RALGAPA1: variants seen among roughly 807,000 people sequenced by gnomAD.
RALGAPA1 encodes Ral GTPase activating protein catalytic subunit alpha 1.
In RALGAPA1, 52 loss-of-function variants were observed where a neutral mutation model predicts 269.6. The ratio of observed to expected loss-of-function variants is 0.19; its 90% CI spans 0.15 to 0.24. RALGAPA1 has a LOEUF of 0.24. RALGAPA1 is among the 10% of genes least tolerant of loss of function. The pLI is 1.00. For missense variants in RALGAPA1, 1,917 were observed against 3,013.9 expected (o/e 0.64, Z 8.52); for synonymous variants, 817 against 1,008.3 (o/e 0.81, Z 3.60).
At chr14:35,582,716 G>T (rs10150503) in intron 37 of RALGAPA1, among the ~76,000 whole-genome samples, 1 of 152,202 alleles carries the variant, frequency 6.6e-6, no homozygotes, top group East Asian at 1.9e-4. Flanking sequence ...GCTTTATGGA[G>T]GGGGAGGGGA....
chr14:35,679,495 T>C (rs1331126551), intron 21 of RALGAPA1, among the ~76,000 whole-genome samples: 1 of 152,158 alleles, frequency 6.6e-6, no homozygotes, highest in Non-Finnish European at 1.5e-5. Context: ...TAGCTTACAG[T>C]TGGGCAAAAT....
chr14:35,777,687 C>T (rs370596238), intron 1 of RALGAPA1, among the ~76,000 whole-genome samples: 12 of 152,132 alleles, frequency 7.9e-5, no homozygotes, highest in Admixed American at 3.9e-4. Flanking sequence ...CTCAGACTCC[C>T]GAGTAGCTGG....
chr14:35,585,909 T>C (rs181015207), intron 37 of RALGAPA1, among the ~76,000 whole-genome samples: 65 of 152,304 alleles, frequency 4.3e-4, no homozygotes, highest in African/African-American at 1.4e-3. Context: ...TTGTTCTTTT[T>C]GCTTAGGATT....
chr14:35,688,896 G>T lies in RALGAPA1; in HGVS notation c.3515C>A (p.Ala1172Asp). 7.9e-7 allele frequency: 1 copy of T among 1,265,028 alleles called. No homozygotes were observed. The highest frequency in any genetic ancestry group is 9.9e-7 in the Non-Finnish European group (1 of 1,007,414). The allele number at this position is 1,265,028 out of a possible 1,614,324, so 78.4% of individuals were successfully genotyped here. Residue 1172 changes from alanine (A) to aspartate (D), a missense_variant, in exon 18 of 42, where the codon GCT becomes GAT. This residue lies in a region of RALGAPA1 where 615 missense variants were observed against 790.0 expected (regional missense o/e 0.78). Transcript: ENST00000680220. ...CTTCCGCAGTCTCATCTTCCATGGA[G>T]CCTCTTTGTTTTCCAGAGGATTATA... ...QFYNPLENKE[A>D]PWKMRLRKLG...
At chr14:35,797,346 C>G in intron 1 of RALGAPA1, among the ~76,000 whole-genome samples, 1 of 69,050 alleles carries the variant, frequency 1.4e-5, no homozygotes, top group Non-Finnish European at 2.2e-5. Context: ...AGCGAGACTC[C>G]GTCTCAAAAA....
chr14:35,573,728 T>C (rs930986817), intron 37 of RALGAPA1, among the ~76,000 whole-genome samples: 1 of 152,184 alleles, frequency 6.6e-6, no homozygotes, highest in Non-Finnish European at 1.5e-5. Flanking sequence ...TAACTCCTTA[T>C]ATGCATACAC....
chr14:35,725,182 C>T, intron 13 of RALGAPA1, 29 bp from the exon 14 acceptor site: 3 of 1,495,380 alleles, frequency 2.0e-6, no homozygotes, highest in Non-Finnish European at 2.7e-6. Context: ...ATTAATGTTT[C>T]CTTCTTGCAT....
intron 1 of RALGAPA1, among the ~76,000 whole-genome samples, chr14:35,787,858 A>T (rs1476345192): frequency 6.6e-6 from 1 of 152,046 alleles, no homozygotes; most frequent in Non-Finnish European, 1.5e-5. Flanking sequence ...CTGGAATTGC[A>T]GTTGTAAGCC....
chr14:35,627,861 C>A lies in RALGAPA1; in HGVS notation c.6086G>T (p.Ser2029Ile), dbSNP rs1566866275. 3 of 1,585,944 alleles carry A rather than the reference C, an allele frequency of 1.9e-6. No individual in the cohort carries two copies. The highest frequency in any genetic ancestry group is 2.6e-6 in the Non-Finnish European group (3 of 1,161,582). Residue 2029 changes from serine (S) to isoleucine (I), a missense_variant, in exon 34 of 42, where the codon AGC (serine) becomes ATC (isoleucine). By Grantham distance (142) the Ser-to-Ile change is moderately radical. Around this residue, in one of 11 missense-constraint regions of RALGAPA1, gnomAD observed 346 missense variants for 566.1 expected, o/e 0.61. Transcript: ENST00000680220. ...ACTTGTTAGCATAGCAGGACCACCG[C>A]TCATTGGATAATGGCCCAGGTGATT... The part of the protein sequence containing the change: ...LVNHLGHYPM[S>I]GGPAMLTSQV...
intron 41 of RALGAPA1, among the ~76,000 whole-genome samples, chr14:35,541,432 C>T (rs916007432): frequency 3.9e-5 from 6 of 152,100 alleles, no homozygotes; most frequent in Non-Finnish European, 7.4e-5. Flanking sequence ...ACTCATAATC[C>T]AGGTCAATTG....
At chr14:35,780,224 C>T (rs2075339860) in intron 1 of RALGAPA1, among the ~76,000 whole-genome samples, 1 of 152,034 alleles carries the variant, frequency 6.6e-6, no homozygotes, top group Admixed American at 6.6e-5. Context: ...CTCCCAACCC[C>T]CAAAGCAGAA....
chr14:35,615,627 A>G (rs551028635), intron 35 of RALGAPA1, among the ~76,000 whole-genome samples: 1 of 152,308 alleles, frequency 6.6e-6, no homozygotes, highest in South Asian at 2.1e-4. Context: ...CATTTAATGT[A>G]GTGTATAAAA....
intron 35 of RALGAPA1, among the ~76,000 whole-genome samples, chr14:35,618,884 T>A (rs2060426165): frequency 6.6e-6 from 1 of 152,084 alleles, no homozygotes; most frequent in South Asian, 2.1e-4. Flanking sequence ...TCAGAATAAA[T>A]GAAAACATAC....
chr14:35,759,083 A>T (rs1304153936), intron 6 of RALGAPA1, among the ~76,000 whole-genome samples: 1 of 152,186 alleles, frequency 6.6e-6, no homozygotes, highest in Non-Finnish European at 1.5e-5. Flanking sequence ...ACAAAGCAGG[A>T]CCCTGTCTCA....
chr14:35,701,689 G>A (rs949531169), intron 16 of RALGAPA1, among the ~76,000 whole-genome samples: 2 of 151,466 alleles, frequency 1.3e-5, no homozygotes, highest in Non-Finnish European at 2.9e-5. Flanking sequence ...TTGTCCAGGC[G>A]GGAGTACAGT....
At chr14:35,794,499 C>T (rs2076415332) in intron 1 of RALGAPA1, among the ~76,000 whole-genome samples, 1 of 152,114 alleles carries the variant, frequency 6.6e-6, no homozygotes, top group Non-Finnish European at 1.5e-5. Context: ...CTCCGTTGCC[C>T]AGGCTGGAGT....
chr14:35,644,193 A>G (rs1049455804), intron 31 of RALGAPA1, among the ~76,000 whole-genome samples: 1 of 152,200 alleles, frequency 6.6e-6, no homozygotes, highest in African/African-American at 2.4e-5. Context: ...AATTTTCAAT[A>G]AATAAAAAGA....
intron 39 of RALGAPA1, among the ~76,000 whole-genome samples, chr14:35,562,477 A>G (rs2056341769): frequency 6.6e-6 from 1 of 152,230 alleles, no homozygotes; most frequent in African/African-American, 2.4e-5. Context: ...TCATTAATGA[A>G]TGACGTCTGA....
chr14:35,602,045 A>T (rs2059321210), intron 36 of RALGAPA1, among the ~76,000 whole-genome samples: 1 of 152,192 alleles, frequency 6.6e-6, no homozygotes, highest in Admixed American at 6.5e-5. Flanking sequence ...CCTATTGTGG[A>T]TATTACATAT....
Sources: allele counts gnomAD v4.1 joint callset (sites outside exome capture counted in the v4.1 genomes callset), GRCh38; gene constraint gnomAD v4.1.1; regional missense constraint gnomAD v4.1.1; transcripts MANE v1.5; gene names NCBI Gene and HGNC (gene_info 2026-07-23, HGNC 2026-07-21).